DRGX: variants seen among roughly 807,000 people sequenced by gnomAD.
The protein encoded by DRGX is dorsal root ganglia homeobox protein.
In DRGX, 21 loss-of-function variants were observed where a neutral mutation model predicts 28.6. That is an observed-to-expected ratio of 0.73 (90% confidence interval 0.52 to 1.06). The LOEUF (loss-of-function observed/expected upper bound fraction) is 1.06, where lower values mean the gene tolerates loss of function less well. Among genes scored for constraint, DRGX ranks in the 50% least tolerant of loss-of-function variants. The pLI is 0.00. For synonymous variants in DRGX, 136 were observed against 139.1 expected, an observed-to-expected ratio of 0.98 and a Z score of 0.16; for missense variants, 354 against 343.9, an observed-to-expected ratio of 1.03 and a Z score of -0.23.
At chr10:49,372,831 G>A (rs1259272126) in intron 6 of DRGX, among the ~76,000 whole-genome samples, 1 of 152,160 alleles carries the variant, frequency 6.6e-6, no homozygotes, top group East Asian at 1.9e-4. Context: ...TTTCCTCAGT[G>A]AAATCTTCCC....
intron 1 of DRGX, 36 bp from the exon 2 acceptor site, chr10:49,395,557 C>T: frequency 1.6e-6 from 2 of 1,286,782 alleles, no homozygotes; most frequent in Non-Finnish European, 2.2e-6. Context: ...TCAAGTCTCC[C>T]TCTGCCAGCG....
At chr10:49,391,311 A>C (rs1255560365) in intron 2 of DRGX, 50 bp from the exon 3 acceptor site, 1 of 1,513,292 alleles carries the variant, frequency 6.6e-7, no homozygotes, top group Non-Finnish European at 9.1e-7. Flanking sequence ...CCCAGTCCTC[A>C]GACCGCCCCC....
At chr10:49,389,989 T>C in intron 4 of DRGX, 144 bp downstream of exon 4, 1 of 674,968 alleles carries the variant, frequency 1.5e-6, no homozygotes, top group East Asian at 2.8e-5. Context: ...CACATTATGT[T>C]GATGTTATTA....
chr10:49,394,649 A>G (rs1025072263), intron 2 of DRGX, among the ~76,000 whole-genome samples: 11 of 152,142 alleles, frequency 7.2e-5, no homozygotes, highest in African/African-American at 1.9e-4. Flanking sequence ...CTGAGGTCCC[A>G]ACTGTCCCCT....
intron 6 of DRGX, among the ~76,000 whole-genome samples, chr10:49,380,568 CATAAA>C (rs1409148813): frequency 6.6e-6 from 1 of 152,104 alleles, no homozygotes; most frequent in East Asian, 1.9e-4. Flanking sequence ...TGAGAGTTTC[CATAAA>C]ATAAAACATG....
At chr10:49,380,521 C>T (rs751782682) in intron 6 of DRGX, among the ~76,000 whole-genome samples, 1 of 152,198 alleles carries the variant, frequency 6.6e-6, no homozygotes. Context: ...TGTTAGTCCT[C>T]CCTGCACAGG....
At chr10:49,371,589 C>G (rs904712985) in intron 6 of DRGX, among the ~76,000 whole-genome samples, 2 of 151,930 alleles carry the variant, frequency 1.3e-5, no homozygotes, top group Admixed American at 6.6e-5. Flanking sequence ...GTCAGGAGTT[C>G]AAGACCAGCC....
intron 4 of DRGX, among the ~76,000 whole-genome samples, chr10:49,388,264 C>G (rs1394709706): frequency 6.6e-6 from 1 of 152,210 alleles, no homozygotes; most frequent in Non-Finnish European, 1.5e-5. Context: ...AACCTCTTCC[C>G]TCCTCTCCTG....
intron 6 of DRGX, among the ~76,000 whole-genome samples, chr10:49,374,967 A>G (rs912501405): frequency 6.6e-6 from 1 of 152,284 alleles, no homozygotes; most frequent in African/African-American, 2.4e-5. Context: ...AGTAAAATAA[A>G]TAAACTAATA....
intron 6 of DRGX, among the ~76,000 whole-genome samples, chr10:49,369,249 T>G (rs2132469027): frequency 6.6e-6 from 1 of 152,160 alleles, no homozygotes; most frequent in East Asian, 1.9e-4. Flanking sequence ...ATAAATTAAC[T>G]CACAGAACCA....
intron 6 of DRGX, among the ~76,000 whole-genome samples, chr10:49,367,742 A>G (rs1358279208): frequency 6.6e-6 from 1 of 152,248 alleles, no homozygotes; most frequent in Non-Finnish European, 1.5e-5. Flanking sequence ...CACCAAGGTC[A>G]GCACACTTGT....
At chr10:49,395,334 GCCCTGCTGCCGCT>G (rs1166238601) in intron 2 of DRGX, 60 bp downstream of exon 2, 9 of 1,535,414 alleles carry the variant, frequency 5.9e-6, no homozygotes, top group Non-Finnish European at 7.9e-6. Flanking sequence ...CCACCCACCA[GCCCTGCTGCCGCT>G]CCGGCCCTTT....
intron 6 of DRGX, among the ~76,000 whole-genome samples, chr10:49,384,617 T>C (rs1570645): frequency 0.05 from 7,605 of 152,092 alleles, 535 homozygotes; most frequent in African/African-American, 0.16. Context: ...GATGGACAGA[T>C]GTTTGTGGCC....
At chr10:49,393,380 CA>C (rs956136766) in intron 2 of DRGX, among the ~76,000 whole-genome samples, 3 of 151,766 alleles carry the variant, frequency 2.0e-5, no homozygotes, top group East Asian at 1.9e-4. Flanking sequence ...GAAGGAATCA[CA>C]AAAAAAATAG....
chr10:49,395,076 T>G (rs936918761), intron 2 of DRGX, among the ~76,000 whole-genome samples: 2 of 152,194 alleles, frequency 1.3e-5, no homozygotes, highest in Admixed American at 1.3e-4. Flanking sequence ...CGTGAAAGAT[T>G]GATGCGGCCC....
chr10:49,380,372 G>C (rs549115268), intron 6 of DRGX, among the ~76,000 whole-genome samples: 1 of 152,246 alleles, frequency 6.6e-6, no homozygotes, highest in South Asian at 2.1e-4. Context: ...CACTTCTCCG[G>C]AACAAACCCA....
chr10:49,385,825 A>C (rs1239694828), intron 6 of DRGX, among the ~76,000 whole-genome samples: 1 of 152,010 alleles, frequency 6.6e-6, no homozygotes, highest in Non-Finnish European at 1.5e-5. Flanking sequence ...CCTGGCCAAC[A>C]CAGCTGTGCA....
At chr10:49,380,216 C>T (rs1849759870) in intron 6 of DRGX, among the ~76,000 whole-genome samples, 1 of 152,208 alleles carries the variant, frequency 6.6e-6, no homozygotes. Flanking sequence ...GAAAGCTCTA[C>T]CCTGGCAGCT....
At chr10:49,371,346 G>T (rs1452861829) in intron 6 of DRGX, among the ~76,000 whole-genome samples, 1 of 152,156 alleles carries the variant, frequency 6.6e-6, no homozygotes. Context: ...ATGCACTTTG[G>T]CCATGAAACG....
Sources: allele counts gnomAD v4.1 joint callset (sites outside exome capture counted in the v4.1 genomes callset), GRCh38; gene constraint gnomAD v4.1.1; transcripts MANE v1.5; gene names NCBI Gene and HGNC (gene_info 2026-07-23, HGNC 2026-07-21).